Variants in CAST observed in about 807,000 individuals in gnomAD.
The protein encoded by CAST is calpastatin.
Under a neutral mutation model 119.6 loss-of-function variants are expected in CAST, and 76 were observed. The observed-to-expected ratio is 0.64, with a 90% CI of 0.53 to 0.77. The LOEUF is 0.77. CAST is among the 30% of genes least tolerant of loss of function. The probability of loss-of-function intolerance (pLI) is 0.00; values close to 1 mark genes in which losing one functional copy is unlikely to be tolerated. For missense variants in CAST, 953 were observed against 946.5 expected, an observed-to-expected ratio of 1.01 and a Z score of -0.09; for synonymous variants, 319 against 331.6, an observed-to-expected ratio of 0.96 and a Z score of 0.41.
chr5:96,396,839 G>A, the CAST span, among the ~76,000 whole-genome samples: 5 of 152,224 alleles, frequency 3.3e-5, no homozygotes, highest in African/African-American at 1.2e-4. Context: ...AAATGCTTTC[G>A]GTTTGTTTCA....
At chr5:96,736,398 G>T (rs1371388348) in intron 10 of CAST, among the ~76,000 whole-genome samples, 158 bp downstream of exon 10, 1 of 152,106 alleles carries the variant, frequency 6.6e-6, no homozygotes, top group East Asian at 1.9e-4. Flanking sequence ...GTGTGGGTTG[G>T]AAGTATGGTT....
chr5:96,140,484 T>C, the CAST span, among the ~76,000 whole-genome samples: 1 of 152,240 alleles, frequency 6.6e-6, no homozygotes, highest in Non-Finnish European at 1.5e-5. Context: ...ACTTATAGGC[T>C]GAAATCTCAA....
At chr5:96,141,713 C>G in the CAST span, among the ~76,000 whole-genome samples, 1 of 152,176 alleles carries the variant, frequency 6.6e-6, no homozygotes, top group South Asian at 2.1e-4. Context: ...CTGTGCTCTT[C>G]TGAGAAGTCC....
At chr5:96,317,885 AC>A in the CAST span, among the ~76,000 whole-genome samples, 1 of 152,218 alleles carries the variant, frequency 6.6e-6, no homozygotes, top group Non-Finnish European at 1.5e-5. Context: ...GCATCCACAG[AC>A]TACAAAGCTA....
the CAST span, among the ~76,000 whole-genome samples, chr5:96,363,228 G>A: frequency 2.0e-5 from 3 of 149,170 alleles, no homozygotes; most frequent in Admixed American, 6.7e-5. Flanking sequence ...TGCTGTTTTG[G>A]TTACTGTAGC....
At chr5:96,163,805 T>G in the CAST span, among the ~76,000 whole-genome samples, 1 of 152,226 alleles carries the variant, frequency 6.6e-6, no homozygotes, top group East Asian at 1.9e-4. Flanking sequence ...GGCAGAATGG[T>G]GTCTGCCTAC....
At chr5:96,477,065 AACACACACACACACACACACACACACAC>A in the CAST span, among the ~76,000 whole-genome samples, 1 of 136,618 alleles carries the variant, frequency 7.3e-6, no homozygotes, top group Non-Finnish European at 1.6e-5. Context: ...AATGTGCCAA[AACACACACACACACACACACACACACAC>A]ACACACACAC....
At chr5:96,566,376 A>G (rs1561418609) in intron 1 of CAST, among the ~76,000 whole-genome samples, 1 of 152,188 alleles carries the variant, frequency 6.6e-6, no homozygotes, top group Non-Finnish European at 1.5e-5. Context: ...CCAAAAGCAA[A>G]ACAGGAAGGG....
chr5:96,136,081 T>A, the CAST span, among the ~76,000 whole-genome samples: 7 of 152,310 alleles, frequency 4.6e-5, no homozygotes, highest in African/African-American at 1.4e-4. Context: ...AACCTCTTTT[T>A]GAGGGTCCAA....
chr5:96,658,377 T>G (rs1413068443), upstream of CAST, among the ~76,000 whole-genome samples: 1 of 152,118 alleles, frequency 6.6e-6, no homozygotes, highest in Non-Finnish European at 1.5e-5. Flanking sequence ...CACCCATTAT[T>G]GGGAATGAGT....
chr5:96,608,185 A>G (rs1747296172), intron 1 of CAST, among the ~76,000 whole-genome samples: 1 of 152,156 alleles, frequency 6.6e-6, no homozygotes, highest in African/African-American at 2.4e-5. Flanking sequence ...CATATGAGTG[A>G]GATCAAACAA....
chr5:96,700,233 T>A (rs1753723116), intron 3 of CAST, among the ~76,000 whole-genome samples: 1 of 152,238 alleles, frequency 6.6e-6, no homozygotes, highest in Non-Finnish European at 1.5e-5. Flanking sequence ...TTAATAATTA[T>A]GCTTATATTT....
the CAST span, among the ~76,000 whole-genome samples, chr5:96,455,409 G>A: frequency 1.3e-5 from 2 of 152,212 alleles, no homozygotes; most frequent in Non-Finnish European, 2.9e-5. Flanking sequence ...AACTCTAAAT[G>A]TCTTCTGGAA....
chr5:96,749,358 T>C (rs774333879), intron 19 of CAST, among the ~76,000 whole-genome samples: 13 of 152,182 alleles, frequency 8.5e-5, no homozygotes, highest in Non-Finnish European at 1.6e-4. Context: ...AGAGTTTAGC[T>C]GTTTTAGTCC....
At chr5:96,302,860 T>A in the CAST span, among the ~76,000 whole-genome samples, 2 of 152,214 alleles carry the variant, frequency 1.3e-5, no homozygotes, top group Non-Finnish European at 2.9e-5. Context: ...AAACTGTCCC[T>A]TATCTTCCTA....
At chr5:96,541,888 T>C (rs1387846415) in intron 1 of CAST, among the ~76,000 whole-genome samples, 1 of 152,268 alleles carries the variant, frequency 6.6e-6, no homozygotes, top group Non-Finnish European at 1.5e-5. Context: ...TCTTGGTTGC[T>C]TCCAGTTTTT....
the CAST span, among the ~76,000 whole-genome samples, chr5:96,250,419 C>G: frequency 6.6e-5 from 10 of 152,078 alleles, no homozygotes; most frequent in Admixed American, 6.5e-4. Context: ...TGTTGTCACT[C>G]CAGTTGTTGT....
the CAST span, among the ~76,000 whole-genome samples, chr5:96,320,941 T>C: frequency 6.6e-6 from 1 of 152,172 alleles, no homozygotes; most frequent in East Asian, 1.9e-4. Flanking sequence ...GTTAAAATAA[T>C]TGGTGAGTCG....
the CAST span, among the ~76,000 whole-genome samples, chr5:96,010,945 T>C: frequency 6.6e-6 from 1 of 152,236 alleles, no homozygotes; most frequent in African/African-American, 2.4e-5. Context: ...TTTTGTACAT[T>C]GATTTTGTAT....
Sources: gnomAD v4.1 joint callset for allele counts (sites outside exome capture counted in the v4.1 genomes callset) on GRCh38, gnomAD v4.1.1 for gene constraint, MANE v1.5 for transcripts, NCBI Gene and HGNC (gene_info 2026-07-23, HGNC 2026-07-21) for gene names.